The following CTNNA3 variants were observed in gnomAD, a reference collection of about 807,000 sequenced individuals.
The protein encoded by CTNNA3 is catenin alpha 3.
In CTNNA3, 76 loss-of-function variants were observed where a neutral mutation model predicts 95.7. The ratio of observed to expected loss-of-function variants is 0.79; its 90% CI spans 0.66 to 0.96. CTNNA3 has a LOEUF of 0.96. Ranked by LOEUF, CTNNA3 falls within the 40% of genes least tolerant of loss-of-function variation. CTNNA3 has a pLI of 0.00. For missense variants in CTNNA3, 1,191 were observed against 1,089.8 expected (o/e 1.09, Z -1.31); for synonymous variants, 431 against 374.4 (o/e 1.15, Z -1.74).
At chr10:66,025,909 G>T (rs2079323629) in intron 15 of CTNNA3, among the ~76,000 whole-genome samples, 1 of 152,100 alleles carries the variant, frequency 6.6e-6, no homozygotes, top group South Asian at 2.1e-4. Context: ...ATTAGAAGCA[G>T]CACATATGCT....
At chr10:66,689,884 T>A (rs965233721) in intron 9 of CTNNA3, among the ~76,000 whole-genome samples, 1 of 152,200 alleles carries the variant, frequency 6.6e-6, no homozygotes, top group Non-Finnish European at 1.5e-5. Flanking sequence ...CTAATACTTG[T>A]GATCTAGTCC....
chr10:66,893,085 T>C (rs1267860253), intron 7 of CTNNA3, among the ~76,000 whole-genome samples: 1 of 152,068 alleles, frequency 6.6e-6, no homozygotes, highest in Non-Finnish European at 1.5e-5. Context: ...TTCTGTGAGT[T>C]TTATATTTAT....
At chr10:67,026,276 A>G (rs1358236589) in intron 7 of CTNNA3, among the ~76,000 whole-genome samples, 1 of 152,118 alleles carries the variant, frequency 6.6e-6, no homozygotes, top group Admixed American at 6.6e-5. Context: ...AAGAAAAAAA[A>G]GAGAGAAAAA....
chr10:67,413,908 CA>C (rs1331502724), intron 5 of CTNNA3, among the ~76,000 whole-genome samples: 2 of 151,814 alleles, frequency 1.3e-5, no homozygotes, highest in Admixed American at 1.3e-4. Context: ...CACAACTTAC[CA>C]AAATCTCTGA....
Position 66,144,221 on chromosome 10 carries a change from AT to A in CTNNA3, c.1885-40973del, listed in dbSNP as rs556212939. Reference sequence around the variant, plus strand: ...GGAATTTATCGCAACTACCTCATGCATTTTTTCTTAAATTGAAATCAGATTA... The same window carrying A: ...GGAATTTATCGCAACTACCTCATGCATTTTTCTTAAATTGAAATCAGATTA... On this transcript the variant is annotated intron_variant, in intron 13 of 17. Transcript: ENST00000433211. Among the ~76,000 whole-genome samples the A allele has an allele frequency of 2.8e-4, 42 of 152,244 alleles. No individual in the cohort carries two copies. The South Asian group carries it at 7.5e-3, about 27-fold the overall frequency.
intron 11 of CTNNA3, among the ~76,000 whole-genome samples, chr10:66,455,442 G>T (rs532926740): frequency 5.9e-4 from 90 of 152,178 alleles, no homozygotes; most frequent in African/African-American, 2.1e-3. Flanking sequence ...CTTATTCCTG[G>T]TCTCAACAGG....
chr10:66,114,416 T>A (rs1258866552), intron 13 of CTNNA3, among the ~76,000 whole-genome samples: 2 of 151,444 alleles, frequency 1.3e-5, no homozygotes, highest in East Asian at 3.9e-4. Flanking sequence ...ATATGTATAT[T>A]TGTGTATATT....
intron 15 of CTNNA3, among the ~76,000 whole-genome samples, chr10:66,010,382 A>G (rs1312149035): frequency 1.3e-5 from 2 of 152,238 alleles, no homozygotes; most frequent in African/African-American, 4.8e-5. Context: ...TAGTAAAGAC[A>G]AAAAGAATTA....
At chr10:65,966,855 T>A in intron 16 of CTNNA3, 109 bp from the exon 17 acceptor site, 2 of 751,460 alleles carry the variant, frequency 2.7e-6, no homozygotes, top group East Asian at 5.6e-5. Context: ...GCAGCAATTT[T>A]ATTTTCATAC....
chr10:66,692,740 A>C (rs561191833), intron 9 of CTNNA3, among the ~76,000 whole-genome samples: 16 of 152,232 alleles, frequency 1.1e-4, no homozygotes, highest in African/African-American at 3.9e-4. Flanking sequence ...CAAAGAGAAG[A>C]CCATCAGACT....
chr10:66,504,250 T>C (rs116467892), intron 11 of CTNNA3, among the ~76,000 whole-genome samples: 1 of 152,174 alleles, frequency 6.6e-6, no homozygotes, highest in African/African-American at 2.4e-5. Context: ...TTCTACTCCC[T>C]GCTTCTATGA....
chr10:66,584,606 G>A (rs1209844063), intron 10 of CTNNA3, among the ~76,000 whole-genome samples: 1 of 151,794 alleles, frequency 6.6e-6, no homozygotes, highest in Non-Finnish European at 1.5e-5. Flanking sequence ...AAGATAGCAG[G>A]TATCTATTTG....
chr10:67,279,546 A>C (rs578173309), intron 5 of CTNNA3, among the ~76,000 whole-genome samples: 4 of 151,128 alleles, frequency 2.6e-5, no homozygotes, highest in African/African-American at 7.3e-5. Flanking sequence ...GGTAATAGTC[A>C]ATTAGGTATT....
intron 17 of CTNNA3, among the ~76,000 whole-genome samples, chr10:65,956,566 C>G (rs1379889576): frequency 1.3e-5 from 2 of 152,058 alleles, no homozygotes; most frequent in East Asian, 3.9e-4. Flanking sequence ...TAAATGTGTC[C>G]CAGAGATTCT....
chr10:67,513,713 C>A (rs1264834866), intron 5 of CTNNA3, among the ~76,000 whole-genome samples: 4 of 152,196 alleles, frequency 2.6e-5, no homozygotes, highest in African/African-American at 4.8e-5. Context: ...AAACCATGAA[C>A]CCCAGTGAAA....
intron 16 of CTNNA3, among the ~76,000 whole-genome samples, chr10:65,982,832 A>T (rs1355377428): frequency 6.6e-6 from 1 of 151,238 alleles, no homozygotes; most frequent in Non-Finnish European, 1.5e-5. Flanking sequence ...AAATACGCAT[A>T]TTGTCACAAG....
rs1014397135 is a variant in CTNNA3 at position 66,882,983 on chromosome 10, A to C, written c.1048-107459T>G. On this transcript the variant is annotated intron_variant, in intron 7 of 17. Transcript: ENST00000433211. Reference sequence around the variant, plus strand: ...TGTGTGGGCACCATCTGGCCCCTAGATCAATTAAATCAGAATCTCTGGGGT... The same window carrying C: ...TGTGTGGGCACCATCTGGCCCCTAGCTCAATTAAATCAGAATCTCTGGGGT... Among the ~76,000 whole-genome samples the C allele has an allele frequency of 2.0e-5, 3 of 152,132 alleles. No individual in the cohort carries two copies. The South Asian group carries it at 6.2e-4, about 32-fold the overall frequency.
chr10:67,674,212 T>C (rs1480999567), intron 1 of CTNNA3, among the ~76,000 whole-genome samples: 1 of 151,998 alleles, frequency 6.6e-6, no homozygotes, highest in African/African-American at 2.4e-5. Context: ...TGGGCCCTAA[T>C]TCAGTCATAC....
intron 12 of CTNNA3, among the ~76,000 whole-genome samples, chr10:66,360,640 TTTC>T (rs1215167417): frequency 0.02 from 1,073 of 54,438 alleles, 44 homozygotes; most frequent in East Asian, 0.13. Flanking sequence ...TCTTTCTTTC[TTTC>T]TTTCTTTCTT....
Sources: gnomAD v4.1 joint callset for allele counts (sites outside exome capture counted in the v4.1 genomes callset) on GRCh38, gnomAD v4.1.1 for gene constraint, MANE v1.5 for transcripts, NCBI Gene and HGNC (gene_info 2026-07-23, HGNC 2026-07-21) for gene names.